The following SLC4A10 variants were observed in gnomAD, a reference collection of about 807,000 sequenced individuals.
The protein encoded by SLC4A10 is sodium-driven chloride bicarbonate exchanger.
SLC4A10 carries 42 observed loss-of-function variants against 137.7 expected under a neutral mutation model. The ratio of observed to expected loss-of-function variants is 0.30; its 90% CI spans 0.24 to 0.39. The LOEUF is 0.39. Ranked by LOEUF, SLC4A10 falls within the 10% of genes least tolerant of loss-of-function variation. The probability of loss-of-function intolerance (pLI) is 1.00; values close to 1 mark genes in which losing one functional copy is unlikely to be tolerated. For synonymous variants in SLC4A10, 474 were observed against 464.1 expected (o/e 1.02, Z -0.27); for missense variants, 925 against 1,355.0 (o/e 0.68, Z 4.98).
At position 161,725,789 on chromosome 2, in the gene SLC4A10, C is replaced by T. The variant is rs142939265; in HGVS notation, c.49-45184C>T. 2.7e-3 allele frequency among the ~76,000 whole-genome samples: 404 copies of T among 152,288 alleles called. 3 individuals are homozygous for T. Among genetic ancestry groups the T allele is most frequent in the Non-Finnish European group, 4.6e-3 (312 of 68,028 alleles). On this transcript the variant is annotated intron_variant, in intron 1 of 26. Coordinates refer to ENST00000446997, the MANE Select transcript of SLC4A10 (RefSeq NM_001178015.2). ...CTGCCATCCTTTTGCCAAAGCCGTG[C>T]CATCTGTCTGGAATACCCTATTCAC...
chr2:161,859,295 TC>T, intron 5 of SLC4A10, among the ~76,000 whole-genome samples: 1 of 150,650 alleles, frequency 6.6e-6, no homozygotes, highest in Non-Finnish European at 1.5e-5. Flanking sequence ...TCTTTTCTTT[TC>T]TTTTTTTTTT....
chr2:161,763,706 C>T (rs1446103048), intron 1 of SLC4A10, among the ~76,000 whole-genome samples: 1 of 152,158 alleles, frequency 6.6e-6, no homozygotes, highest in East Asian at 1.9e-4. Flanking sequence ...GTCCAACCCT[C>T]TGGCATGGTC....
At chr2:161,802,831 TTTC>T (rs2055515442) in intron 2 of SLC4A10, among the ~76,000 whole-genome samples, 1 of 152,056 alleles carries the variant, frequency 6.6e-6, no homozygotes, top group Admixed American at 6.6e-5. Flanking sequence ...CTCTTTGGTG[TTTC>T]TTCTTTTAAG....
At position 161,647,245 on chromosome 2, in the gene SLC4A10, T is replaced by C. The variant is rs186285893; in HGVS notation, c.48+22679T>C. ...TTTACATGCCTATCATGTTTAATGG[T>C]ATATTTCCTCAAATAATTGAACAGA... On this transcript the variant is annotated intron_variant, in intron 1 of 26. Transcript: ENST00000446997. 1.7e-4 allele frequency among the ~76,000 whole-genome samples: 26 copies of C among 152,188 alleles called. No individual in the cohort carries two copies. The East Asian group carries it at 4.4e-3, about 26-fold the overall frequency.
chr2:161,720,411 G>GT (rs1270013985), intron 1 of SLC4A10, among the ~76,000 whole-genome samples: 3 of 152,092 alleles, frequency 2.0e-5, no homozygotes, highest in African/African-American at 4.8e-5. Context: ...CTTTAAAGTA[G>GT]TTTTTTTCCA....
At chr2:161,644,409 T>G (rs2035738532) in intron 1 of SLC4A10, among the ~76,000 whole-genome samples, 1 of 152,036 alleles carries the variant, frequency 6.6e-6, no homozygotes, top group South Asian at 2.1e-4. Flanking sequence ...AGAGAGAGGA[T>G]TGCTTGTTAG....
chr2:161,797,111 T>C (rs1025590567), intron 2 of SLC4A10, among the ~76,000 whole-genome samples: 2 of 152,082 alleles, frequency 1.3e-5, no homozygotes, highest in Non-Finnish European at 2.9e-5. Context: ...TAAAACAAAA[T>C]GTTTTAAAAT....
intron 3 of SLC4A10, among the ~76,000 whole-genome samples, chr2:161,810,818 G>T (rs2056483173): frequency 6.6e-6 from 1 of 151,866 alleles, no homozygotes; most frequent in African/African-American, 2.4e-5. Context: ...AGTTTAGCCT[G>T]AAGTTTTCTG....
Position 161,879,136 on chromosome 2 carries a change from T to C in SLC4A10, c.954T>C (p.Asp318=), listed in dbSNP as rs1429648209. The part of the protein sequence containing the change: ...GPPHQQEREV[D]LHFMKKIPPG... ...TTACCTGGTGATGCTTGCAGGTTGA[T>C]CTGCATTTTATGAAAAAGATTCCTC... Residue 318 remains aspartate, a synonymous_variant, in exon 9 of 27, where the codon GAT becomes GAC. Coordinates refer to ENST00000446997, the MANE Select transcript of SLC4A10 (RefSeq NM_001178015.2). 1 of 1,612,920 alleles carries C rather than the reference T, an allele frequency of 6.2e-7. No individual in the cohort carries two copies. Among genetic ancestry groups the C allele is most frequent in the Non-Finnish European group, 8.5e-7 (1 of 1,179,316 alleles).
rs762348408 is a variant in SLC4A10, at chr2:161,958,528, G to C, written c.2835G>C (p.Met945Ile). 7.5e-6 allele frequency: 12 copies of C among 1,610,370 alleles called. No homozygotes were observed. The highest frequency in any genetic ancestry group is 1.0e-5 in the Non-Finnish European group (12 of 1,178,208). ...MPVLYGVFLY[M>I]GASSLKGIQF... ...TGCTATATGGAGTGTTTCTTTATAT[G>C]GGTGCTTCATCTCTAAAGGGAATTC... The change falls in exon 21 of 27, where the codon ATG (methionine) becomes ATC (isoleucine). Residue 945 changes from methionine to isoleucine, a missense_variant. Transcript: ENST00000446997.
At chr2:161,933,235 CT>C (rs1261569468) in intron 15 of SLC4A10, among the ~76,000 whole-genome samples, 2 of 112,082 alleles carry the variant, frequency 1.8e-5, no homozygotes, top group Non-Finnish European at 1.9e-5. Flanking sequence ...TTCTTTCTTT[CT>C]TTCTTTCTTT....
intron 15 of SLC4A10, among the ~76,000 whole-genome samples, chr2:161,930,210 A>G (rs1400115347): frequency 1.3e-5 from 2 of 152,214 alleles, no homozygotes; most frequent in African/African-American, 4.8e-5. Flanking sequence ...CTCCATTTGT[A>G]AAGAGTGCAG....
chr2:161,733,238 C>T (rs1462663856), intron 1 of SLC4A10, among the ~76,000 whole-genome samples: 1 of 152,126 alleles, frequency 6.6e-6, no homozygotes, highest in African/African-American at 2.4e-5. Context: ...GGCTCAGAAG[C>T]CTAGGAGGAA....
At chr2:161,788,081 A>G (rs1324460856) in intron 2 of SLC4A10, among the ~76,000 whole-genome samples, 2 of 149,738 alleles carry the variant, frequency 1.3e-5, no homozygotes, top group African/African-American at 4.9e-5. Flanking sequence ...TATCATGTTT[A>G]TTCTTTTTTC....
intron 1 of SLC4A10, among the ~76,000 whole-genome samples, chr2:161,655,485 T>G (rs1411545414): frequency 6.6e-6 from 1 of 152,224 alleles, no homozygotes; most frequent in Non-Finnish European, 1.5e-5. Flanking sequence ...ACCATGATGT[T>G]AGCTGTGAGC....
At position 161,785,337 on chromosome 2, in the gene SLC4A10, C is replaced by T. The variant is rs7590478; in HGVS notation, c.130+14283C>T. Reference sequence around the variant, plus strand: ...AGATTTATGTCAAACTTTTTTTTATCTTGAAGAAGAGGAAATACCTCCAAA... The same window carrying T: ...AGATTTATGTCAAACTTTTTTTTATTTTGAAGAAGAGGAAATACCTCCAAA... On this transcript the variant is annotated intron_variant, in intron 2 of 26. Coordinates refer to ENST00000446997, the MANE Select transcript of SLC4A10 (RefSeq NM_001178015.2). Among the ~76,000 whole-genome samples, 934 of 151,620 alleles carry T rather than the reference C, an allele frequency of 6.2e-3. 11 individuals carry two copies. Among genetic ancestry groups the T allele is most frequent in the African/African-American group, 0.021 (889 of 41,478 alleles).
At chr2:161,892,872 G>A (rs1429063105) in intron 10 of SLC4A10, among the ~76,000 whole-genome samples, 1 of 151,996 alleles carries the variant, frequency 6.6e-6, no homozygotes, top group Non-Finnish European at 1.5e-5. Flanking sequence ...TCCTGAGTAT[G>A]ATAAGATAAA....
chr2:161,722,239 A>G (rs958608341), intron 1 of SLC4A10, among the ~76,000 whole-genome samples: 1 of 152,096 alleles, frequency 6.6e-6, no homozygotes, highest in Non-Finnish European at 1.5e-5. Flanking sequence ...AGACGTTGTG[A>G]TCATTTGGAG....
intron 1 of SLC4A10, among the ~76,000 whole-genome samples, chr2:161,746,402 C>T (rs1352849994): frequency 6.6e-5 from 10 of 151,944 alleles, no homozygotes; most frequent in Admixed American, 6.6e-4. Context: ...TGCACGACTA[C>T]TGCTGATGTT....
Sources: gnomAD v4.1 joint callset for allele counts (sites outside exome capture counted in the v4.1 genomes callset) on GRCh38, gnomAD v4.1.1 for gene constraint, MANE v1.5 for transcripts, NCBI Gene and HGNC (gene_info 2026-07-23, HGNC 2026-07-21) for gene names.